Variants in MAMDC2 observed in about 807,000 individuals in gnomAD.
MAMDC2 encodes the protein MAM domain-containing protein 2.
MAMDC2 carries 57 observed loss-of-function variants against 89.8 expected under a neutral mutation model. The ratio of observed to expected loss-of-function variants is 0.63; its 90% CI spans 0.51 to 0.79. The LOEUF (loss-of-function observed/expected upper bound fraction) is 0.79, where lower values mean the gene tolerates loss of function less well. Ranked by LOEUF, MAMDC2 falls within the 30% of genes least tolerant of loss-of-function variation. The pLI is 0.00. For missense variants in MAMDC2, 800 were observed against 820.6 expected, an observed-to-expected ratio of 0.97 and a Z score of 0.31; for synonymous variants, 313 against 293.4, an observed-to-expected ratio of 1.07 and a Z score of -0.68.
At chr9:70,048,508 A>G (rs1422361460) in intron 2 of MAMDC2, among the ~76,000 whole-genome samples, 1 of 152,212 alleles carries the variant, frequency 6.6e-6, no homozygotes, top group Non-Finnish European at 1.5e-5. Context: ...CATGTTGGCC[A>G]GGCTGGTCTT....
chr9:70,168,159 A>G (rs2032226391), intron 9 of MAMDC2, among the ~76,000 whole-genome samples: 1 of 152,206 alleles, frequency 6.6e-6, no homozygotes, highest in African/African-American at 2.4e-5. Flanking sequence ...TTTCAGCATT[A>G]GTATGCACAA....
At chr9:70,207,468 A>C (rs1447802215) in intron 11 of MAMDC2, among the ~76,000 whole-genome samples, 2 of 151,880 alleles carry the variant, frequency 1.3e-5, no homozygotes, top group Non-Finnish European at 2.9e-5. Context: ...CCACTTTTTG[A>C]TGGGGCTGTT....
At chr9:70,139,330 T>C (rs1306786581) in intron 7 of MAMDC2, among the ~76,000 whole-genome samples, 1 of 138,178 alleles carries the variant, frequency 7.2e-6, no homozygotes, top group East Asian at 2.2e-4. Context: ...GTCCATGTGT[T>C]CTCATTGTTC....
At position 70,044,615 on chromosome 9, in the gene MAMDC2, C is replaced by A. The variant is rs199910536; in HGVS notation, c.66C>A (p.Pro22=). ...AGCTCGCCGGTGCCCTCGACCTGCC[C>A]GCTGGGTCCTGTGCCTTTGAAGAGA... ...ALQLAGALDL[P]AGSCAFEEST... is the part of the protein sequence containing the mutation. Residue 22 remains proline (P), a synonymous_variant, in exon 2 of 14, where the codon CCC becomes CCA. Coordinates refer to ENST00000377182, the MANE Select transcript of MAMDC2 (RefSeq NM_153267.5). 3.4e-5 allele frequency: 53 copies of A among 1,551,108 alleles called. No homozygotes were observed. In the Admixed American group the frequency reaches 1.0e-3, roughly 30 times the overall value.
At chr9:70,188,759 T>C (rs1414025563) in intron 11 of MAMDC2, 1 of 116,820 alleles carries the variant, frequency 8.6e-6, no homozygotes, top group Non-Finnish European at 1.8e-5. Flanking sequence ...ATCAAAACAA[T>C]TGATTTTTTT....
In MAMDC2 at chr9:70,183,510, T is replaced by C. The variant is rs568909742; in HGVS notation, c.1651+12879T>C. 3.3e-5 allele frequency among the ~76,000 whole-genome samples: 5 copies of C among 152,348 alleles called. No homozygotes were observed. The East Asian group carries it at 7.7e-4, about 23-fold the overall frequency. ...CTTTGTATGTCTTTAGGAACTTGCTTTATGAATCTGGGTACTCCTGTATTT... is the reference window on the plus strand; with the variant it reads ...CTTTGTATGTCTTTAGGAACTTGCTCTATGAATCTGGGTACTCCTGTATTT... On this transcript the variant is annotated intron_variant, in intron 11 of 13. Transcript: ENST00000377182.
chr9:70,203,578 A>G (rs1461710961), intron 11 of MAMDC2, among the ~76,000 whole-genome samples: 3 of 83,996 alleles, frequency 3.6e-5, no homozygotes, highest in Non-Finnish European at 8.1e-5. Context: ...CATTCTCTGT[A>G]TTTCCTGAAT....
chr9:70,218,960 A>G (rs2033502048), intron 12 of MAMDC2, among the ~76,000 whole-genome samples: 1 of 152,078 alleles, frequency 6.6e-6, no homozygotes, highest in Non-Finnish European at 1.5e-5. Context: ...TGCATCTTTT[A>G]CTCATCATTA....
At chr9:70,064,011 G>C (rs1489778717) in intron 2 of MAMDC2, among the ~76,000 whole-genome samples, 1 of 151,516 alleles carries the variant, frequency 6.6e-6, no homozygotes, top group Non-Finnish European at 1.5e-5. Context: ...AATTACAAAG[G>C]GATAAGCATT....
chr9:70,224,098 T>C (rs2033609199), intron 12 of MAMDC2, among the ~76,000 whole-genome samples: 1 of 152,166 alleles, frequency 6.6e-6, no homozygotes, highest in Non-Finnish European at 1.5e-5. Context: ...GCTTATTATG[T>C]GCACTCAGGT....
chr9:70,193,441 T>A (rs1470834965), intron 11 of MAMDC2, among the ~76,000 whole-genome samples: 1 of 152,126 alleles, frequency 6.6e-6, no homozygotes, highest in Non-Finnish European at 1.5e-5. Context: ...CAAGGGAGTA[T>A]TAACTATTGT....
chr9:70,131,565 C>T lies in MAMDC2; in HGVS notation c.947C>T (p.Ala316Val). ...AATGGTCCCAAGGGAGGTTATGTTG[C>T]CCTGGATGATATTTCATTCTCTCCT... ...AFNGPKGGYVALDDISFSPVH... is the reference protein window; with the variant it reads ...AFNGPKGGYVVLDDISFSPVH... Residue 316 changes from alanine (A) to valine (V), a missense_variant, in exon 7 of 14, where the codon GCC becomes GTC. Physicochemically the swap from Ala to Val is moderately conservative, Grantham distance 64. Coordinates refer to ENST00000377182, the MANE Select transcript of MAMDC2 (RefSeq NM_153267.5). 2 of 1,609,428 alleles carry T rather than the reference C, an allele frequency of 1.2e-6. No homozygotes were observed. The highest frequency in any genetic ancestry group is 1.7e-6 in the Non-Finnish European group (2 of 1,178,932).
At chr9:70,215,734 G>A (rs2309645) in intron 11 of MAMDC2, among the ~76,000 whole-genome samples, 139,198 of 152,216 alleles carry the variant, frequency 0.91, 63,804 homozygotes, top group East Asian at 0.98. Context: ...TTGGGGCAGC[G>A]TCATTCCTTA....
chr9:70,108,278 C>T lies in MAMDC2; in HGVS notation c.216C>T (p.Asp72=). The change falls in exon 3 of 14, where the codon GAC becomes GAT. Residue 72 remains aspartate (D), a synonymous_variant. Coordinates refer to ENST00000377182, the MANE Select transcript of MAMDC2 (RefSeq NM_153267.5). Reference sequence around the variant, plus strand: ...AGAAAGCTGTGCTGCTAAGTCCTGACTTACAGGCTGAGGAATGGAGCTGCC... The same window carrying T: ...AGAAAGCTGTGCTGCTAAGTCCTGATTTACAGGCTGAGGAATGGAGCTGCC... ...QGEKAVLLSP[D]LQAEEWSCLR... 6.2e-7 allele frequency: 1 copy of T among 1,614,032 alleles called. No individual in the cohort carries two copies. The highest frequency in any genetic ancestry group is 2.2e-5 in the East Asian group (1 of 44,878).
intron 2 of MAMDC2, among the ~76,000 whole-genome samples, chr9:70,068,174 A>C (rs1017870924): frequency 6.6e-6 from 1 of 152,218 alleles, no homozygotes; most frequent in Non-Finnish European, 1.5e-5. Flanking sequence ...AGACTATAAA[A>C]ATATTTATTT....
chr9:70,185,319 T>A (rs1196505967), intron 11 of MAMDC2, among the ~76,000 whole-genome samples: 2 of 152,180 alleles, frequency 1.3e-5, no homozygotes, highest in African/African-American at 4.8e-5. Flanking sequence ...TGTCTGTCGG[T>A]CCCTGCTGGG....
chr9:70,098,774 G>A (rs1236722552), intron 2 of MAMDC2, among the ~76,000 whole-genome samples: 1 of 152,104 alleles, frequency 6.6e-6, no homozygotes, highest in Non-Finnish European at 1.5e-5. Flanking sequence ...GCCTCAGCTT[G>A]GTTTACTAGC....
At chr9:70,158,347 A>G (rs1176674938) in intron 9 of MAMDC2, among the ~76,000 whole-genome samples, 1 of 152,138 alleles carries the variant, frequency 6.6e-6, no homozygotes, top group East Asian at 1.9e-4. Flanking sequence ...TAATTGCTGT[A>G]TTTATACTGT....
intron 11 of MAMDC2, among the ~76,000 whole-genome samples, chr9:70,212,269 G>GC (rs1170412248): frequency 1.3e-5 from 2 of 152,330 alleles, no homozygotes; most frequent in Admixed American, 1.3e-4. Context: ...GCTGTGGTGG[G>GC]CTCCACCCAG....
Sources: gnomAD v4.1 joint callset for allele counts (sites outside exome capture counted in the v4.1 genomes callset) on GRCh38, gnomAD v4.1.1 for gene constraint, MANE v1.5 for transcripts, NCBI Gene and HGNC (gene_info 2026-07-23, HGNC 2026-07-21) for gene names.